The following ANAPC10 variants were observed in gnomAD, a reference collection of about 807,000 sequenced individuals.
ANAPC10 encodes the protein anaphase-promoting complex subunit 10.
A neutral mutation model predicts 22.0 loss-of-function variants in ANAPC10; 12 were observed. The ratio of observed to expected loss-of-function variants is 0.55; its 90% CI spans 0.35 to 0.88. The LOEUF is 0.88. Among genes scored for constraint, ANAPC10 ranks in the 40% least tolerant of loss-of-function variants. ANAPC10 has a pLI of 0.01. For synonymous variants in ANAPC10, 65 were observed against 69.5 expected, an observed-to-expected ratio of 0.94 and a Z score of 0.32; for missense variants, 188 against 220.9, an observed-to-expected ratio of 0.85 and a Z score of 0.94.
intron 2 of ANAPC10, among the ~76,000 whole-genome samples, chr4:145,093,892 A>T (rs944157153): frequency 4.0e-4 from 61 of 152,340 alleles, no homozygotes; most frequent in African/African-American, 1.4e-3. Flanking sequence ...TCTTAGAAAG[A>T]TAATAGAGAA....
intron 4 of ANAPC10, among the ~76,000 whole-genome samples, chr4:145,023,331 AAC>A (rs1251169140): frequency 6.6e-6 from 1 of 152,218 alleles, no homozygotes; most frequent in East Asian, 1.9e-4. Flanking sequence ...GTTATAAAAT[AAC>A]ACATCCTTAA....
At chr4:145,061,842 T>C (rs1358414648) in intron 4 of ANAPC10, among the ~76,000 whole-genome samples, 1 of 152,126 alleles carries the variant, frequency 6.6e-6, no homozygotes, top group East Asian at 1.9e-4. Context: ...GCGCGGTGGC[T>C]CAAACCTGTA....
chr4:145,075,188 T>G (rs1433918186), intron 3 of ANAPC10, among the ~76,000 whole-genome samples: 1 of 152,114 alleles, frequency 6.6e-6, no homozygotes, highest in Admixed American at 6.5e-5. Context: ...CATCACACTG[T>G]TAATTGAAAC....
intron 4 of ANAPC10, among the ~76,000 whole-genome samples, chr4:145,034,224 A>G (rs1211666922): frequency 6.6e-6 from 1 of 152,138 alleles, no homozygotes; most frequent in East Asian, 1.9e-4. Context: ...CGGTGTTACC[A>G]AAAGAGATTA....
At chr4:145,064,732 A>G in intron 3 of ANAPC10, 40 bp from the exon 4 acceptor site, 2 of 1,456,208 alleles carry the variant, frequency 1.4e-6, no homozygotes, top group South Asian at 1.5e-5. Context: ...ACTTCATCAT[A>G]TGAAAAGATT....
chr4:145,083,398 C>T (rs1007550069), intron 2 of ANAPC10, among the ~76,000 whole-genome samples: 2 of 152,126 alleles, frequency 1.3e-5, no homozygotes, highest in African/African-American at 4.8e-5. Flanking sequence ...GCAATAAACA[C>T]CTAGCTGTCT....
At chr4:145,066,746 T>C (rs1017398997) in intron 3 of ANAPC10, among the ~76,000 whole-genome samples, 2 of 146,228 alleles carry the variant, frequency 1.4e-5, no homozygotes, top group Admixed American at 7.0e-5. Context: ...TGTTGTCAAA[T>C]AGGAACTTTT....
chr4:145,090,905 G>A (rs940665683), intron 2 of ANAPC10, among the ~76,000 whole-genome samples: 6 of 152,174 alleles, frequency 3.9e-5, no homozygotes, highest in Non-Finnish European at 7.3e-5. Context: ...ACAAGTTTGA[G>A]TTACAAATCT....
At chr4:145,081,837 A>C (rs1746067224) in intron 2 of ANAPC10, 87 bp from the exon 3 acceptor site, 4 of 931,288 alleles carry the variant, frequency 4.3e-6, no homozygotes, top group South Asian at 3.0e-5. Context: ...GTATTTGTCC[A>C]GAAATTTTGA....
chr4:145,016,491 A>G (rs1735163766), intron 4 of ANAPC10, among the ~76,000 whole-genome samples: 1 of 152,236 alleles, frequency 6.6e-6, no homozygotes, highest in Admixed American at 6.5e-5. Context: ...AAATGGAAGA[A>G]CATTCCATGC....
chr4:145,030,224 A>T (rs1469662645), intron 4 of ANAPC10, among the ~76,000 whole-genome samples: 1 of 152,236 alleles, frequency 6.6e-6, no homozygotes, highest in African/African-American at 2.4e-5. Flanking sequence ...CAAAGGACTA[A>T]TCTGAATTAT....
rs552174954 is a variant in ANAPC10 at position 145,053,904 on chromosome 4, C to CTG, written c.327+10666_327+10667dup. On this transcript the variant is annotated intron_variant, in intron 4 of 4. Transcript: ENST00000507656. ...CTGCAGCACTTTCAGCTGATTACTA[C>CTG]TGTGTGTGTGTGTGTTTTTTTTTTA... 1.7e-3 allele frequency: 801 copies of CTG among 471,410 alleles called. 1 individual carries two copies. Among genetic ancestry groups the CTG allele is most frequent in the African/African-American group, 0.014 (692 of 49,466 alleles). The allele number at this position is 471,410 out of a possible 1,614,324, so 29.2% of individuals were successfully genotyped here. A position where few individuals can be genotyped will look rare whatever the true frequency, so the allele number is the denominator to read the frequency against.
chr4:145,025,687 C>T (rs1736562403), intron 4 of ANAPC10, among the ~76,000 whole-genome samples: 1 of 152,128 alleles, frequency 6.6e-6, no homozygotes, highest in Non-Finnish European at 1.5e-5. Context: ...GTTTGAAATA[C>T]TACAAGAATT....
intron 1 of ANAPC10, chr4:145,097,846 A>T: frequency 3.0e-6 from 1 of 330,514 alleles, no homozygotes; most frequent in East Asian, 7.8e-5. Flanking sequence ...TGGATAAAAT[A>T]TGGAGCTCGG....
At chr4:145,080,268 G>T (rs558890572) in intron 3 of ANAPC10, among the ~76,000 whole-genome samples, 1 of 152,046 alleles carries the variant, frequency 6.6e-6, no homozygotes, top group East Asian at 1.9e-4. Flanking sequence ...CCTGGATGAC[G>T]AAATTTGTAC....
intron 4 of ANAPC10, among the ~76,000 whole-genome samples, chr4:145,027,261 C>T (rs1736901655): frequency 6.6e-6 from 1 of 151,424 alleles, no homozygotes. Flanking sequence ...GCCTCAGCCT[C>T]TTAGAGTGCT....
intron 4 of ANAPC10, among the ~76,000 whole-genome samples, chr4:145,010,966 C>T (rs1042882769): frequency 1.3e-5 from 2 of 152,022 alleles, no homozygotes; most frequent in Non-Finnish European, 2.9e-5. Flanking sequence ...ACGGAAGGCA[C>T]GGCAAGACAG....
intron 4 of ANAPC10, among the ~76,000 whole-genome samples, chr4:145,047,400 A>C (rs1443374274): frequency 6.6e-6 from 1 of 152,104 alleles, no homozygotes; most frequent in African/African-American, 2.4e-5. Flanking sequence ...GTACAATATG[A>C]CTCTGGGGGA....
intron 3 of ANAPC10, among the ~76,000 whole-genome samples, chr4:145,068,436 T>C (rs562752263): frequency 4.8e-4 from 73 of 152,336 alleles, no homozygotes; most frequent in Middle Eastern, 3.4e-3. Flanking sequence ...TAGCTTTACA[T>C]TTAAAGCTAA....
Sources: gnomAD v4.1 joint callset for allele counts (sites outside exome capture counted in the v4.1 genomes callset) on GRCh38, gnomAD v4.1.1 for gene constraint, MANE v1.5 for transcripts, NCBI Gene and HGNC (gene_info 2026-07-23, HGNC 2026-07-21) for gene names.